The following GKAP1 variants were observed in gnomAD, a reference collection of about 807,000 sequenced individuals.
GKAP1 encodes the protein G kinase-anchoring protein 1.
In GKAP1, 31 loss-of-function variants were observed where a neutral mutation model predicts 56.7. The observed-to-expected ratio is 0.55, with a 90% CI of 0.41 to 0.74. GKAP1 has a LOEUF of 0.74. Ranked by LOEUF, GKAP1 falls within the 30% of genes least tolerant of loss-of-function variation. The pLI is 0.00. For missense variants in GKAP1, 364 were observed against 402.3 expected (o/e 0.90, Z 0.82); for synonymous variants, 151 against 138.6 (o/e 1.09, Z -0.63).
intron 6 of GKAP1, among the ~76,000 whole-genome samples, chr9:83,781,907 G>A (rs1415043077): frequency 1.4e-5 from 2 of 147,008 alleles, no homozygotes; most frequent in African/African-American, 5.0e-5. Context: ...GCAGCGGTAC[G>A]ATCTCGGCTC....
chr9:83,746,882 A>G (rs913393940), intron 10 of GKAP1, among the ~76,000 whole-genome samples: 5 of 152,244 alleles, frequency 3.3e-5, no homozygotes, highest in African/African-American at 9.6e-5. Flanking sequence ...TGATTGATCC[A>G]CAGATGGGGA....
chr9:83,783,902 A>T (rs543803069), intron 6 of GKAP1, among the ~76,000 whole-genome samples: 1 of 152,250 alleles, frequency 6.6e-6, no homozygotes, highest in Non-Finnish European at 1.5e-5. Context: ...CTGATTTTAA[A>T]TTACTTTAAA....
intron 4 of GKAP1, 80 bp from the exon 5 acceptor site, chr9:83,788,758 C>A: frequency 3.9e-6 from 3 of 772,380 alleles, no homozygotes; most frequent in Admixed American, 2.5e-5. Flanking sequence ...TTACTATATA[C>A]AGAGGAAAAG....
At chr9:83,814,167 T>C (rs759998771) in intron 2 of GKAP1, among the ~76,000 whole-genome samples, 7 of 152,220 alleles carry the variant, frequency 4.6e-5, no homozygotes, top group Non-Finnish European at 8.8e-5. Flanking sequence ...ATTTTACATA[T>C]ACTTCATACC....
rs76850810 is a variant in GKAP1 at position 83,784,678 on chromosome 9, T to C, written c.562+37A>G. The stretch of plus-strand genomic sequence containing the variant: ...ACTGAAGTATAAAACAGATGTAGAA[T>C]AGTTCTTTTAGCATAATAGCATTGT... On this transcript the variant is annotated intron_variant, in intron 6 of 12. Coordinates refer to ENST00000376371, the MANE Select transcript of GKAP1 (RefSeq NM_025211.4). The C allele has an allele frequency of 8.1e-4, 1,150 of 1,423,382 alleles. 19 individuals are homozygous for C. In the East Asian group the frequency reaches 0.024, roughly 30 times the overall value. 88.2% of individuals were successfully genotyped at this position (1,423,382 alleles called of 1,614,324 possible). A position where few individuals can be genotyped will look rare whatever the true frequency, so the allele number is the denominator to read the frequency against.
chr9:83,790,505 C>T (rs982003544), intron 4 of GKAP1, among the ~76,000 whole-genome samples: 5 of 151,976 alleles, frequency 3.3e-5, no homozygotes, highest in Non-Finnish European at 7.4e-5. Context: ...AAAACTAGGC[C>T]GGCACAGTGG....
At chr9:83,775,041 C>T (rs1229179832) in intron 7 of GKAP1, among the ~76,000 whole-genome samples, 9 of 150,136 alleles carry the variant, frequency 6.0e-5, no homozygotes, top group Non-Finnish European at 8.9e-5. Flanking sequence ...TGAAGTCTCA[C>T]TCTGTCGCCC....
At chr9:83,784,988 T>G in intron 5 of GKAP1, 150 bp from the exon 6 acceptor site, 1 of 513,924 alleles carries the variant, frequency 1.9e-6, no homozygotes. Context: ...TATAAAGAGA[T>G]ACCTCTTTAT....
At chr9:83,778,216 T>C (rs144603881) in intron 7 of GKAP1, among the ~76,000 whole-genome samples, 1 of 152,328 alleles carries the variant, frequency 6.6e-6, no homozygotes, top group African/African-American at 2.4e-5. Flanking sequence ...CAGAGGAATA[T>C]AAATGGTTCT....
In GKAP1 at chr9:83,814,435, C is replaced by G. The variant is rs539249783; in HGVS notation, c.-44+2561G>C. Among the ~76,000 whole-genome samples the G allele has an allele frequency of 1.4e-4, 21 of 152,232 alleles. 1 individual carries two copies. The highest frequency in any genetic ancestry group is 6.2e-4 in the South Asian group (3 of 4,836). The stretch of plus-strand genomic sequence containing the variant: ...TGCTAGCATATCTATGAAGCGTTCT[C>G]TGACCTGTTCCTGAAGTTAAACATT... On this transcript the variant is annotated intron_variant, in intron 2 of 12. Transcript: ENST00000376371.
intron 8 of GKAP1, among the ~76,000 whole-genome samples, chr9:83,764,058 T>TA (rs1443654315): frequency 6.6e-6 from 1 of 152,074 alleles, no homozygotes; most frequent in Non-Finnish European, 1.5e-5. Context: ...CAGGTGGCTT[T>TA]AAAAAAGATA....
intron 7 of GKAP1, among the ~76,000 whole-genome samples, chr9:83,779,900 G>A (rs1315332783): frequency 6.6e-6 from 1 of 151,860 alleles, no homozygotes; most frequent in African/African-American, 2.4e-5. Flanking sequence ...ACACCAGGAA[G>A]TGTAGGCTAC....
intron 2 of GKAP1, among the ~76,000 whole-genome samples, chr9:83,811,256 C>T (rs1402945118): frequency 6.6e-6 from 1 of 152,126 alleles, no homozygotes; most frequent in Non-Finnish European, 1.5e-5. Context: ...GGCCCCTATA[C>T]AAGCTAAGGC....
At chr9:83,773,293 G>T (rs1684830842) in intron 7 of GKAP1, among the ~76,000 whole-genome samples, 1 of 152,250 alleles carries the variant, frequency 6.6e-6, no homozygotes, top group Middle Eastern at 3.4e-3. Flanking sequence ...CATTCTATGA[G>T]TCCATTATAG....
chr9:83,777,032 T>C (rs1370005851), intron 7 of GKAP1, among the ~76,000 whole-genome samples: 2 of 152,216 alleles, frequency 1.3e-5, no homozygotes, highest in Middle Eastern at 3.2e-3. Context: ...TTATTTTTAA[T>C]ATAATTTTTA....
At chr9:83,813,360 C>T (rs2131331861) in intron 2 of GKAP1, among the ~76,000 whole-genome samples, 1 of 152,348 alleles carries the variant, frequency 6.6e-6, no homozygotes, top group South Asian at 2.1e-4. Context: ...TAAACATTTA[C>T]ATATTATTAA....
chr9:83,773,189 T>C (rs1943792121), intron 7 of GKAP1, among the ~76,000 whole-genome samples: 1 of 152,206 alleles, frequency 6.6e-6, no homozygotes, highest in African/African-American at 2.4e-5. Flanking sequence ...TACTATTCAG[T>C]GATACGGCTG....
intron 10 of GKAP1, among the ~76,000 whole-genome samples, chr9:83,747,167 A>G (rs891030191): frequency 1.3e-5 from 2 of 152,196 alleles, no homozygotes; most frequent in African/African-American, 2.4e-5. Context: ...AAATTAACAT[A>G]TATTTCTTTT....
At chr9:83,785,011 T>A (rs1944040901) in intron 5 of GKAP1, among the ~76,000 whole-genome samples, 173 bp from the exon 6 acceptor site, 2 of 152,134 alleles carry the variant, frequency 1.3e-5, no homozygotes, top group African/African-American at 4.8e-5. Context: ...ATTTACTCAA[T>A]CCCTTACATC....
Sources: allele counts gnomAD v4.1 joint callset (sites outside exome capture counted in the v4.1 genomes callset), GRCh38; gene constraint gnomAD v4.1.1; transcripts MANE v1.5; gene names NCBI Gene and HGNC (gene_info 2026-07-23, HGNC 2026-07-21).